The following GCH1 variants were observed in gnomAD, a reference collection of about 807,000 sequenced individuals.
GCH1 encodes the protein GTP cyclohydrolase I.
Under a neutral mutation model 25.9 loss-of-function variants are expected in GCH1, and 5 were observed. The ratio of observed to expected loss-of-function variants is 0.19; its 90% CI spans 0.10 to 0.41. GCH1 has a LOEUF of 0.41. GCH1 is among the 10% of genes least tolerant of loss of function. The pLI, the probability that GCH1 is intolerant of heterozygous loss-of-function variation, is 1.00. For synonymous variants in GCH1, 159 were observed against 129.6 expected (o/e 1.23, Z -1.54); for missense variants, 261 against 336.5 (o/e 0.78, Z 1.75).
In GCH1 at chr14:54,896,834, GGTGTGAACCGGGAGACCGAGCTT is replaced by G. The variant is rs1198231919; in HGVS notation, c.343+5464_343+5486del. Among the ~76,000 whole-genome samples, 1,340 of 150,944 alleles carry G rather than the reference GGTGTGAACCGGGAGACCGAGCTT, an allele frequency of 8.9e-3. 27 individuals are homozygous for G. Among genetic ancestry groups the G allele is most frequent in the African/African-American group, 0.031 (1,258 of 41,142 alleles). ...ACTCAGGAGGCTGAGGCAGGAGAAT[GGTGTGAACCGGGAGACCGAGCTT>G]GCAGTGAGCCCAGATCGCGCCACTG... On this transcript the variant is annotated intron_variant, in intron 1 of 5. Coordinates refer to ENST00000491895, the MANE Select transcript of GCH1 (RefSeq NM_000161.3).
At chr14:54,858,604 T>C (rs532151325) in intron 3 of GCH1, among the ~76,000 whole-genome samples, 3 of 152,152 alleles carry the variant, frequency 2.0e-5, no homozygotes, top group Admixed American at 1.3e-4. Flanking sequence ...TTTATTTCAA[T>C]TATGATATGG....
In GCH1 at chr14:54,899,475, C is replaced by A. The variant is rs114509847; in HGVS notation, c.343+2846G>T. Among the ~76,000 whole-genome samples the A allele has an allele frequency of 9.6e-3, 1,459 of 151,926 alleles. 27 individuals are homozygous for A. The highest frequency in any genetic ancestry group is 0.033 in the African/African-American group (1,369 of 41,446). On this transcript the variant is annotated intron_variant, in intron 1 of 5. Coordinates refer to ENST00000491895, the MANE Select transcript of GCH1 (RefSeq NM_000161.3). ...CCTGTCTCAAAAACATGAAAATAAA[C>A]ATAATAATAATAATCTTAAATGGTC... is the stretch of plus-strand genomic sequence containing the variant.
intron 3 of GCH1, among the ~76,000 whole-genome samples, chr14:54,850,464 C>T (rs2039711071): frequency 6.6e-6 from 1 of 151,940 alleles, no homozygotes; most frequent in Admixed American, 6.6e-5. Flanking sequence ...CGGCACCCGC[C>T]ACCACATCCA....
intron 2 of GCH1, among the ~76,000 whole-genome samples, chr14:54,863,935 T>G (rs754692888): frequency 1.3e-5 from 2 of 152,100 alleles, no homozygotes; most frequent in Non-Finnish European, 2.9e-5. Flanking sequence ...CTCGGCTCAC[T>G]GCAACCCCTG....
intron 1 of GCH1, among the ~76,000 whole-genome samples, chr14:54,873,998 G>A (rs1594999443): frequency 1.3e-5 from 2 of 152,104 alleles, no homozygotes; most frequent in African/African-American, 4.8e-5. Context: ...ATTTTATGAG[G>A]CCAGCATCAT....
In GCH1 at chr14:54,855,505, C is replaced by CAAAAAAAAAAAAAAAAAAAAAAAAAAAA. The variant is rs764999718; in HGVS notation, c.509+4175_509+4176insTTTTTTTTTTTTTTTTTTTTTTTTTTTT. On this transcript the variant is annotated intron_variant, in intron 3 of 5. Transcript: ENST00000491895. ...TGGGCGACAGAGAAAGACCCTGTCT[C>CAAAAAAAAAAAAAAAAAAAAAAAAAAAA]AAAAAAAAAAAAAAAAAAAAAAAAG... Among the ~76,000 whole-genome samples the CAAAAAAAAAAAAAAAAAAAAAAAAAAAA allele has an allele frequency of 5.5e-5, 2 of 36,418 alleles. 1 individual carries two copies. Among genetic ancestry groups the CAAAAAAAAAAAAAAAAAAAAAAAAAAAA allele is most frequent in the African/African-American group, 3.5e-4 (2 of 5,646 alleles). The allele number at this position is 36,418 out of a possible 152,430, so 23.9% of individuals were successfully genotyped here. A position where few individuals can be genotyped will look rare whatever the true frequency, so the allele number is the denominator to read the frequency against.
At chr14:54,857,038 C>A (rs1002947848) in intron 3 of GCH1, among the ~76,000 whole-genome samples, 13 of 152,214 alleles carry the variant, frequency 8.5e-5, no homozygotes, top group Non-Finnish European at 1.8e-4. Flanking sequence ...TATTCCTCTT[C>A]ATTCTCTAAA....
chr14:54,852,317 T>C (rs1246398568), intron 3 of GCH1, among the ~76,000 whole-genome samples: 1 of 152,076 alleles, frequency 6.6e-6, no homozygotes, highest in Admixed American at 6.5e-5. Context: ...GATACATACA[T>C]TTAAGAAAGA....
At chr14:54,849,018 C>T (rs2039686134) in intron 3 of GCH1, among the ~76,000 whole-genome samples, 1 of 152,202 alleles carries the variant, frequency 6.6e-6, no homozygotes, top group African/African-American at 2.4e-5. Context: ...TGGAGTAGAA[C>T]TTCAGGTGCC....
At position 54,843,028 on chromosome 14, in the gene GCH1, G is replaced by A. The variant is rs189352198; in HGVS notation, c.*989C>T. 223 of 860,866 alleles carry A rather than the reference G, an allele frequency of 2.6e-4. No individual in the cohort carries two copies. The highest frequency in any genetic ancestry group is 2.4e-3 in the African/African-American group (146 of 60,568). The allele number at this position is 860,866 out of a possible 1,614,324, so 53.3% of individuals were successfully genotyped here. On this transcript the variant is annotated 3_prime_UTR_variant, in exon 6 of 6. Coordinates refer to ENST00000491895, the MANE Select transcript of GCH1 (RefSeq NM_000161.3). ...GTCAGTTCATTCTGTGCTCGTTCAG[G>A]TGCGTGGAAGCTATGGTTCTGCAGA...
At chr14:54,883,703 A>G (rs1032661134) in intron 1 of GCH1, among the ~76,000 whole-genome samples, 9 of 152,210 alleles carry the variant, frequency 5.9e-5, no homozygotes, top group African/African-American at 2.2e-4. Flanking sequence ...ATAAAAAGAA[A>G]AGAGAGAAAA....
chr14:54,869,615 G>C (rs1269794940), intron 1 of GCH1, among the ~76,000 whole-genome samples: 7 of 152,104 alleles, frequency 4.6e-5, no homozygotes, highest in Admixed American at 4.6e-4. Flanking sequence ...TGAGTAGCTG[G>C]GATTATAGAC....
chr14:54,851,397 C>T (rs1448740455), intron 3 of GCH1, among the ~76,000 whole-genome samples: 1 of 152,206 alleles, frequency 6.6e-6, no homozygotes, highest in African/African-American at 2.4e-5. Flanking sequence ...TAAAGAGCTT[C>T]TGCACAGCAA....
intron 3 of GCH1, among the ~76,000 whole-genome samples, chr14:54,851,730 C>T (rs898530034): frequency 1.3e-5 from 2 of 152,090 alleles, no homozygotes; most frequent in African/African-American, 2.4e-5. Flanking sequence ...ACAACAGGTG[C>T]TGGAGAGGAT....
intron 2 of GCH1, among the ~76,000 whole-genome samples, chr14:54,862,003 G>A (rs545534142): frequency 6.6e-6 from 1 of 152,212 alleles, no homozygotes; most frequent in Admixed American, 6.5e-5. Flanking sequence ...CTTCTGATGT[G>A]ATGTATCTGG....
intron 1 of GCH1, among the ~76,000 whole-genome samples, chr14:54,899,868 CT>C (rs145278590): frequency 0.034 from 4,925 of 145,234 alleles, 97 homozygotes; most frequent in Non-Finnish European, 0.048. Context: ...CATCCATGGA[CT>C]TTTTTTTTTT....
intron 1 of GCH1, among the ~76,000 whole-genome samples, chr14:54,893,428 T>C (rs2040448234): frequency 6.6e-6 from 1 of 152,026 alleles, no homozygotes; most frequent in African/African-American, 2.4e-5. Context: ...CACTGGCAAA[T>C]GAGTCAGGTG....
chr14:54,870,335 CAAAAAAAAAAA>C (rs561453897), intron 1 of GCH1, among the ~76,000 whole-genome samples: 1 of 66,606 alleles, frequency 1.5e-5, no homozygotes, highest in Admixed American at 2.0e-4. Context: ...CTGTTTTTAC[CAAAAAAAAAAA>C]AAAAAAAAAA....
rs1047826167 is a variant in GCH1, at chr14:54,878,214, T to C, written c.344-12778A>G. 1.9e-5 allele frequency: 3 copies of C among 154,274 alleles called. No homozygotes were observed. The Admixed American group carries it at 2.0e-4, about 10-fold the overall frequency. 9.6% of individuals were successfully genotyped at this position (154,274 alleles called of 1,614,324 possible). On this transcript the variant is annotated intron_variant, in intron 1 of 5. Transcript: ENST00000491895. ...CCATAGTATAGGAATTAGTGCCGTC[T>C]GGAGTATCTGGTGATCAGCACCAAC...
Sources: allele counts gnomAD v4.1 joint callset (sites outside exome capture counted in the v4.1 genomes callset), GRCh38; gene constraint gnomAD v4.1.1; transcripts MANE v1.5; gene names NCBI Gene and HGNC (gene_info 2026-07-23, HGNC 2026-07-21).